KIF13A: variants seen among roughly 807,000 people sequenced by gnomAD.
The protein encoded by KIF13A is kinesin family member 13A.
A neutral mutation model predicts 212.2 loss-of-function variants in KIF13A; 79 were observed. The observed-to-expected ratio is 0.37, with a 90% confidence interval of 0.31 to 0.45. The LOEUF (loss-of-function observed/expected upper bound fraction) is 0.45. Ranked by LOEUF, KIF13A falls within the 20% of genes least tolerant of loss-of-function variation. The pLI, the probability that KIF13A is intolerant of heterozygous loss-of-function variation, is 1.00. For missense variants in KIF13A, 1,901 were observed against 2,209.0 expected, an observed-to-expected ratio of 0.86 and a Z score of 2.79; for synonymous variants, 789 against 808.6, an observed-to-expected ratio of 0.98 and a Z score of 0.41.
rs1436146284 is a variant in KIF13A at position 17,764,292 on chromosome 6, C to T, written c.5236G>A (p.Asp1746Asn). ...GAAGAATCTGTCAAACCATCAAAAT[C>T]TTTTCCCTCTGACACTCCCATAAAT... The part of the protein sequence containing the change: ...TEFMGVSEGK[D>N]FDGLTDSSAG... Residue 1746 changes from aspartate (D) to asparagine (N), a missense_variant, in exon 39 of 39, where the codon GAT becomes AAT. Transcript: ENST00000259711. The surrounding 1 kb of genome is among the most constrained non-coding windows in gnomAD (Gnocchi z 5.1). 3 of 1,614,028 alleles carry T rather than the reference C, an allele frequency of 1.9e-6. No individual in the cohort carries two copies. In the Admixed American group the frequency reaches 5.0e-5, roughly 27 times the overall value.
At chr6:17,904,074 G>A (rs140953523) in intron 2 of KIF13A, among the ~76,000 whole-genome samples, 91 of 151,244 alleles carry the variant, frequency 6.0e-4, no homozygotes, top group African/African-American at 2.1e-3. Context: ...GAAGGATCCC[G>A]TGAGCCCAGA....
At chr6:17,860,277 C>T (rs961190156) in intron 4 of KIF13A, among the ~76,000 whole-genome samples, 122 of 152,134 alleles carry the variant, frequency 8.0e-4, no homozygotes, top group African/African-American at 2.7e-3. Flanking sequence ...CAACCTCTGC[C>T]ATCTGGGTTC....
rs193294733 is a variant in KIF13A at position 17,772,249 on chromosome 6, A to C, written c.4325-190T>G. On this transcript the variant is annotated intron_variant, in intron 36 of 38. Coordinates refer to ENST00000259711, the MANE Select transcript of KIF13A (RefSeq NM_022113.6). The surrounding 1 kb of genome is among the most constrained non-coding windows in gnomAD (Gnocchi z 4.8). ...ATAGGGACACCAGTCTGTGAAAAAAAAAATAAACAGATAGCCAGGCATGGT... is the reference window on the plus strand; with the variant it reads ...ATAGGGACACCAGTCTGTGAAAAAACAAATAAACAGATAGCCAGGCATGGT... 2.0e-5 allele frequency among the ~76,000 whole-genome samples: 3 copies of C among 152,298 alleles called. No individual in the cohort carries two copies. Among genetic ancestry groups the C allele is most frequent in the East Asian group, 1.9e-4 (1 of 5,180 alleles).
Position 17,873,440 on chromosome 6 carries a change from G to T in KIF13A, c.160-3C>A. The T allele has an allele frequency of 1.3e-6, 2 of 1,563,092 alleles. No individual in the cohort carries two copies. The highest frequency in any genetic ancestry group is 1.7e-6 in the Non-Finnish European group (2 of 1,148,334). The stretch of plus-strand genomic sequence containing the variant: ...AAGCAATAATCAAAGGCAAATACCT[G>T]AATGAAAGAACAAAATATTAAACTT... On this transcript the variant is annotated splice_polypyrimidine_tract_variant and splice_region_variant and intron_variant, in intron 3 of 38. Transcript: ENST00000259711.
At chr6:17,864,483 A>G (rs1562071764) in intron 4 of KIF13A, among the ~76,000 whole-genome samples, 3 of 152,060 alleles carry the variant, frequency 2.0e-5, no homozygotes, top group African/African-American at 4.8e-5. Context: ...GTCACATACG[A>G]TATGAATCTT....
chr6:17,936,036 A>G (rs1312005616), intron 2 of KIF13A, among the ~76,000 whole-genome samples: 1 of 152,256 alleles, frequency 6.6e-6, no homozygotes, highest in Non-Finnish European at 1.5e-5. Context: ...ACTCAAACAC[A>G]TATGAATGAT....
chr6:17,887,174 C>CT (rs1210266574), intron 3 of KIF13A, among the ~76,000 whole-genome samples: 1 of 152,136 alleles, frequency 6.6e-6, no homozygotes, highest in African/African-American at 2.4e-5. Flanking sequence ...GCACAGTTCT[C>CT]TTTCTTTGTT....
intron 2 of KIF13A, among the ~76,000 whole-genome samples, chr6:17,970,133 G>A (rs1161411211): frequency 6.6e-6 from 1 of 151,222 alleles, no homozygotes; most frequent in Non-Finnish European, 1.5e-5. Flanking sequence ...CGTGTTAGCT[G>A]GGATGGTCTC....
Position 17,837,342 on chromosome 6 carries a change from C to T in KIF13A, c.942+130G>A. On this transcript the variant is annotated intron_variant, in intron 10 of 38. Coordinates refer to ENST00000259711, the MANE Select transcript of KIF13A (RefSeq NM_022113.6). This position sits in a 1 kb window ranked among gnomAD's most constrained non-coding sequence, Gnocchi z 5.4. Reference sequence around the variant, plus strand: ...TAGAAAATAGTTTTCATTCTGTGTTCCTAGGAATTAGAATAACTGTCATCA... The same window carrying T: ...TAGAAAATAGTTTTCATTCTGTGTTTCTAGGAATTAGAATAACTGTCATCA... 1.4e-6 allele frequency: 1 copy of T among 703,812 alleles called. No individual in the cohort carries two copies. Among genetic ancestry groups the T allele is most frequent in the Non-Finnish European group, 2.4e-6 (1 of 413,744 alleles). The allele number at this position is 703,812 out of a possible 1,614,324, so 43.6% of individuals were successfully genotyped here.
At chr6:17,869,023 C>G (rs1260698658) in intron 4 of KIF13A, among the ~76,000 whole-genome samples, 1 of 71,988 alleles carries the variant, frequency 1.4e-5, no homozygotes, top group African/African-American at 5.2e-5. Context: ...AAAAAAAACA[C>G]AAATAAATAA....
In KIF13A at chr6:17,764,753, G is replaced by A. The variant is rs1758793480; in HGVS notation, c.4775C>T (p.Thr1592Ile). Residue 1592 changes from threonine to isoleucine, a missense_variant, in exon 39 of 39, where the codon ACC (threonine) becomes ATC (isoleucine). Around this residue, in one of 5 missense-constraint regions of KIF13A, gnomAD observed 687 missense variants for 759.1 expected, o/e 0.90. Coordinates refer to ENST00000259711, the MANE Select transcript of KIF13A (RefSeq NM_022113.6). The surrounding 1 kb of genome is among the most constrained non-coding windows in gnomAD (Gnocchi z 5.1). ...AAAGTAGCCACTGGTAATACTGCTG[G>A]TGGTAGGGCTACGGGACACTTCTTT... is the stretch of plus-strand genomic sequence containing the variant. ...LEKEVSRSPT[T>I]SSITSGYFSH... 6.2e-7 allele frequency: 1 copy of A among 1,613,220 alleles called. No individual in the cohort carries two copies. Among genetic ancestry groups the A allele is most frequent in the African/African-American group, 1.3e-5 (1 of 75,020 alleles).
rs753823485 is a variant in KIF13A, at chr6:17,781,182, C to T, written c.3664G>A (p.Asp1222Asn). The T allele has an allele frequency of 1.9e-6, 3 of 1,613,954 alleles. No homozygotes were observed. Among genetic ancestry groups the T allele is most frequent in the South Asian group, 1.1e-5 (1 of 91,074 alleles). Residue 1222 changes from aspartate (D) to asparagine (N), a missense_variant, in exon 30 of 39, where the codon GAT becomes AAT. By Grantham distance (23) the Asp-to-Asn change is conservative. This residue lies in a region of KIF13A where 687 missense variants were observed against 759.1 expected (regional missense o/e 0.90). Coordinates refer to ENST00000259711, the MANE Select transcript of KIF13A (RefSeq NM_022113.6). ...GAAACTTGGGGGTTAATTACCTCAT[C>T]ATCACTGTGCTTTATGATGGGCAGG... ...FYLPIIKHSD[D>N]EVSATASWDS...
chr6:17,925,071 G>A (rs896735364), intron 2 of KIF13A, among the ~76,000 whole-genome samples: 1 of 152,072 alleles, frequency 6.6e-6, no homozygotes, highest in South Asian at 2.1e-4. Context: ...TCCCCCAAAA[G>A]AGAAAAAAAT....
intron 4 of KIF13A, among the ~76,000 whole-genome samples, chr6:17,858,708 T>C (rs1388689489): frequency 6.6e-6 from 1 of 152,170 alleles, no homozygotes; most frequent in East Asian, 1.9e-4. Flanking sequence ...TAAGTGCCAT[T>C]TGAAGGCATT....
intron 20 of KIF13A, among the ~76,000 whole-genome samples, 155 bp from the exon 21 acceptor site, chr6:17,800,268 A>G (rs889434903): frequency 7.2e-4 from 109 of 152,184 alleles, no homozygotes; most frequent in Admixed American, 7.2e-4. Flanking sequence ...CTACCAGAGC[A>G]GTCCATTCCA....
intron 17 of KIF13A, among the ~76,000 whole-genome samples, chr6:17,815,221 G>T (rs116265524): frequency 0.038 from 5,769 of 152,244 alleles, 125 homozygotes; most frequent in African/African-American, 0.051. Flanking sequence ...TACTGCTATC[G>T]AGAAGGCAGA....
chr6:17,883,018 G>T lies in KIF13A; in HGVS notation c.160-9581C>A, dbSNP rs1771221002. Among the ~76,000 whole-genome samples, 1 of 151,990 alleles carries T rather than the reference G, an allele frequency of 6.6e-6. No homozygotes were observed. The highest frequency in any genetic ancestry group is 1.5e-5 in the Non-Finnish European group (1 of 67,996). Reference sequence around the variant, plus strand: ...TTAATTCTTAGAGGATAAAGCCTTGGTTTCCCTAATCTTTTCATTACCAAA... The same window carrying T: ...TTAATTCTTAGAGGATAAAGCCTTGTTTTCCCTAATCTTTTCATTACCAAA... On this transcript the variant is annotated intron_variant, in intron 3 of 38. Transcript: ENST00000259711. The surrounding 1 kb of genome is among the most constrained non-coding windows in gnomAD (Gnocchi z 4.8).
intron 2 of KIF13A, among the ~76,000 whole-genome samples, chr6:17,976,374 C>T (rs1234193423): frequency 6.6e-6 from 1 of 152,236 alleles, no homozygotes; most frequent in Non-Finnish European, 1.5e-5. Context: ...GAGCGCAGCG[C>T]CGGTGGGCCG....
Position 17,764,041 on chromosome 6 carries a change from C to A in KIF13A, c.*69G>T. Reference sequence around the variant, plus strand: ...GGCTCATCTTTGCTGTCACAAACAACTGGATGAATCTTTCCTACCAAGTTG... The same window carrying A: ...GGCTCATCTTTGCTGTCACAAACAAATGGATGAATCTTTCCTACCAAGTTG... On this transcript the variant is annotated 3_prime_UTR_variant, in exon 39 of 39. Coordinates refer to ENST00000259711, the MANE Select transcript of KIF13A (RefSeq NM_022113.6). This position sits in a 1 kb window ranked among gnomAD's most constrained non-coding sequence, Gnocchi z 5.1. The A allele has an allele frequency of 6.5e-7, 1 of 1,534,574 alleles. No individual in the cohort carries two copies. Among genetic ancestry groups the A allele is most frequent in the Non-Finnish European group, 8.8e-7 (1 of 1,140,528 alleles).
Sources: gnomAD v4.1 joint callset for allele counts (sites outside exome capture counted in the v4.1 genomes callset) on GRCh38, gnomAD v4.1.1 for gene constraint, gnomAD v4.1.1 regional missense constraint, Gnocchi (gnomAD v3.1) non-coding constraint, MANE v1.5 for transcripts, NCBI Gene and HGNC (gene_info 2026-07-23, HGNC 2026-07-21) for gene names.